The following PRKCQ variants were observed in gnomAD, a reference collection of about 807,000 sequenced individuals.
The protein encoded by PRKCQ is protein kinase C theta.
PRKCQ carries 41 observed loss-of-function variants against 91.2 expected under a neutral mutation model. The observed-to-expected ratio is 0.45, with a 90% confidence interval of 0.35 to 0.58. PRKCQ has a LOEUF of 0.58. Ranked by LOEUF, PRKCQ falls within the 20% of genes least tolerant of loss-of-function variation. The pLI is 0.00. For missense variants in PRKCQ, 673 were observed against 896.5 expected, an observed-to-expected ratio of 0.75 and a Z score of 3.18; for synonymous variants, 307 against 316.9, an observed-to-expected ratio of 0.97 and a Z score of 0.33.
intron 1 of PRKCQ, among the ~76,000 whole-genome samples, chr10:6,572,713 A>AC (rs1841090413): frequency 1.3e-5 from 2 of 152,216 alleles, no homozygotes; most frequent in African/African-American, 2.4e-5. Flanking sequence ...GTATCTTTAT[A>AC]ACAGAATGGT....
At chr10:6,407,728 G>T in the PRKCQ span, among the ~76,000 whole-genome samples, 1 of 152,044 alleles carries the variant, frequency 6.6e-6, no homozygotes, top group South Asian at 2.1e-4. This position sits in a 1 kb window ranked among gnomAD's most constrained non-coding sequence, Gnocchi z 4.0. Context: ...TCATGTAACA[G>T]ACAGAACAGT....
At chr10:6,485,892 A>C in intron 9 of PRKCQ, 143 bp downstream of exon 9, 1 of 632,804 alleles carries the variant, frequency 1.6e-6, no homozygotes, top group Non-Finnish European at 2.8e-6. Context: ...GTGGGCATGG[A>C]TATGAAAGCC....
chr10:6,501,573 G>A (rs1837914794), intron 4 of PRKCQ, among the ~76,000 whole-genome samples: 1 of 152,028 alleles, frequency 6.6e-6, no homozygotes, highest in African/African-American at 2.4e-5. Flanking sequence ...TGTAATCCCA[G>A]CACTTTGGGA....
intron 1 of PRKCQ, among the ~76,000 whole-genome samples, chr10:6,560,023 C>T (rs181721363): frequency 3.9e-5 from 6 of 152,346 alleles, no homozygotes; most frequent in Admixed American, 3.9e-4. Flanking sequence ...TGACGAGGGT[C>T]AGTACCTTTC....
At chr10:6,486,486 T>C (rs1243120618) in intron 8 of PRKCQ, among the ~76,000 whole-genome samples, 1 of 152,196 alleles carries the variant, frequency 6.6e-6, no homozygotes, top group Non-Finnish European at 1.5e-5. Flanking sequence ...ACCACCCTTT[T>C]TCCAGGAACT....
downstream of PRKCQ, among the ~76,000 whole-genome samples, chr10:6,426,247 G>A (rs530112375): frequency 1.5e-4 from 23 of 152,244 alleles, 2 homozygotes; most frequent in East Asian, 3.9e-3. Flanking sequence ...CTAGTGAGAC[G>A]GGACTTTAGA....
At chr10:6,404,914 C>T in the PRKCQ span, among the ~76,000 whole-genome samples, 19 of 143,378 alleles carry the variant, frequency 1.3e-4, no homozygotes, top group Non-Finnish European at 2.6e-4. Flanking sequence ...TCCTTCCTCC[C>T]TCCTTCCTTC....
intron 4 of PRKCQ, among the ~76,000 whole-genome samples, chr10:6,505,530 CTTT>C (rs56295862): frequency 0.03 from 4,248 of 140,246 alleles, 82 homozygotes; most frequent in African/African-American, 0.046. Flanking sequence ...TTCTTTCTTT[CTTT>C]TTCTTTCTTT....
At chr10:6,475,810 T>C (rs1228611084) in intron 12 of PRKCQ, among the ~76,000 whole-genome samples, 1 of 152,210 alleles carries the variant, frequency 6.6e-6, no homozygotes, top group Non-Finnish European at 1.5e-5. Flanking sequence ...AATTAAGACA[T>C]CTCAAAAACA....
chr10:6,464,248 A>G (rs529984656), intron 13 of PRKCQ, 65 bp downstream of exon 13: 39 of 1,436,158 alleles, frequency 2.7e-5, no homozygotes, highest in African/African-American at 7.3e-5. Context: ...GGAAAAAAGG[A>G]AAAAAAAACC....
chr10:6,447,445 C>T (rs1327673435), intron 15 of PRKCQ, among the ~76,000 whole-genome samples: 1 of 150,762 alleles, frequency 6.6e-6, no homozygotes, highest in Admixed American at 6.6e-5. Context: ...CCCTGTTTAA[C>T]TGCCTTCCTA....
At chr10:6,463,004 CAA>C (rs57879218) in intron 13 of PRKCQ, among the ~76,000 whole-genome samples, 89 of 127,004 alleles carry the variant, frequency 7.0e-4, no homozygotes, top group Admixed American at 5.9e-4. Flanking sequence ...GACTCTGACT[CAA>C]AAAAAAAAAA....
intron 1 of PRKCQ, among the ~76,000 whole-genome samples, chr10:6,543,927 GT>G (rs750910555): frequency 3.3e-5 from 5 of 152,158 alleles, no homozygotes; most frequent in Non-Finnish European, 4.4e-5. Context: ...AGCCCTTCCT[GT>G]TGTGAAAAGG....
intron 7 of PRKCQ, among the ~76,000 whole-genome samples, chr10:6,492,860 A>G (rs1209537313): frequency 1.3e-5 from 2 of 152,230 alleles, no homozygotes; most frequent in Non-Finnish European, 2.9e-5. Flanking sequence ...GAAGGTGCAT[A>G]GCAAAGATGC....
Position 6,533,138 on chromosome 10 carries a change from T to TG in PRKCQ, c.-9-17995dup, listed in dbSNP as rs199838318. ...CATTATCAACATCCCCCACCAGAGC[T>TG]GGGGATGAGTCTACATTTGCATGTT... On this transcript the variant is annotated intron_variant, in intron 1 of 17. Transcript: ENST00000263125. Among the ~76,000 whole-genome samples the TG allele has an allele frequency of 8.7e-3, 1,326 of 152,292 alleles. 14 individuals are homozygous for TG. The highest frequency in any genetic ancestry group is 0.03 in the African/African-American group (1,261 of 41,562).
downstream of PRKCQ, among the ~76,000 whole-genome samples, chr10:6,424,459 G>A (rs527995143): frequency 6.6e-6 from 1 of 152,244 alleles, no homozygotes; most frequent in East Asian, 1.9e-4. Flanking sequence ...CGATGACCAT[G>A]GTTTCTGCTC....
At chr10:6,483,098 A>G (rs1314078091) in intron 11 of PRKCQ, among the ~76,000 whole-genome samples, 1 of 152,262 alleles carries the variant, frequency 6.6e-6, no homozygotes, top group Non-Finnish European at 1.5e-5. Context: ...ATGAAGCAAA[A>G]GAAGAGAAAA....
At chr10:6,440,005 T>C (rs1237041140) in intron 16 of PRKCQ, among the ~76,000 whole-genome samples, 2 of 152,128 alleles carry the variant, frequency 1.3e-5, no homozygotes, top group South Asian at 2.1e-4. Flanking sequence ...TGGGAGGTGA[T>C]TGAATCATGG....
chr10:6,513,650 A>C (rs1265419163), intron 2 of PRKCQ, among the ~76,000 whole-genome samples: 1 of 152,158 alleles, frequency 6.6e-6, no homozygotes, highest in Non-Finnish European at 1.5e-5. Context: ...AACAGGAGAG[A>C]ACTCTGGGCA....
Sources: allele counts gnomAD v4.1 joint callset (sites outside exome capture counted in the v4.1 genomes callset), GRCh38; gene constraint gnomAD v4.1.1; non-coding constraint Gnocchi (gnomAD v3.1); transcripts MANE v1.5; gene names NCBI Gene and HGNC (gene_info 2026-07-23, HGNC 2026-07-21).